Variants in ANO3 observed in about 807,000 individuals in gnomAD.
The protein encoded by ANO3 is anoctamin 3.
ANO3 carries 99 observed loss-of-function variants against 144.8 expected under a neutral mutation model. The ratio of observed to expected loss-of-function variants is 0.68; its 90% CI spans 0.58 to 0.81. The LOEUF (loss-of-function observed/expected upper bound fraction) is 0.81, where lower values mean the gene tolerates loss of function less well. Ranked by LOEUF, ANO3 falls within the 30% of genes least tolerant of loss-of-function variation. The probability of loss-of-function intolerance (pLI) is 0.00; values close to 1 mark genes in which losing one functional copy is unlikely to be tolerated. For synonymous variants in ANO3, 414 were observed against 392.6 expected (o/e 1.05, Z -0.64); for missense variants, 905 against 1,202.2 (o/e 0.75, Z 3.66).
intron 1 of ANO3, among the ~76,000 whole-genome samples, chr11:26,313,036 C>T (rs1464875832): frequency 1.3e-5 from 2 of 152,106 alleles, no homozygotes; most frequent in African/African-American, 4.8e-5. Context: ...ATCAGTTGTT[C>T]CTATTGCTGT....
chr11:26,239,178 T>C (rs1852600356), intron 1 of ANO3, among the ~76,000 whole-genome samples: 1 of 151,950 alleles, frequency 6.6e-6, no homozygotes, highest in Non-Finnish European at 1.5e-5. Context: ...ATTATTAAAA[T>C]ATTTACATAA....
intron 1 of ANO3, among the ~76,000 whole-genome samples, chr11:26,290,956 G>A (rs1017004425): frequency 6.6e-6 from 1 of 152,100 alleles, no homozygotes; most frequent in Non-Finnish European, 1.5e-5. Context: ...TCAAGTCCTG[G>A]AAATCCTTGT....
chr11:26,559,506 G>C, intron 13 of ANO3: 1 of 513,762 alleles, frequency 1.9e-6, no homozygotes. Flanking sequence ...GAGGAGAGAA[G>C]AGGGCTAATG....
chr11:26,560,014 A>G, intron 14 of ANO3: 1 of 374,882 alleles, frequency 2.7e-6, no homozygotes, highest in Non-Finnish European at 4.8e-6. Flanking sequence ...TACATCAAGG[A>G]ACATATTTTT....
At chr11:26,217,339 C>G (rs1419714438) in intron 1 of ANO3, among the ~76,000 whole-genome samples, 1 of 152,032 alleles carries the variant, frequency 6.6e-6, no homozygotes, top group Non-Finnish European at 1.5e-5. Context: ...CCCCATCTAT[C>G]AATCTCTATC....
chr11:26,481,856 T>C (rs982193355), intron 4 of ANO3, among the ~76,000 whole-genome samples: 3 of 152,132 alleles, frequency 2.0e-5, no homozygotes, highest in Non-Finnish European at 2.9e-5. Flanking sequence ...TCATATGTGC[T>C]CAATTCTGTC....
At chr11:26,594,288 A>G (rs2132906298) in intron 14 of ANO3, among the ~76,000 whole-genome samples, 1 of 152,312 alleles carries the variant, frequency 6.6e-6, no homozygotes, top group South Asian at 2.1e-4. Context: ...GTGGGGAATC[A>G]TTCTCTTTCC....
chr11:26,610,043 C>G (rs764544116), intron 17 of ANO3, among the ~76,000 whole-genome samples: 1 of 152,226 alleles, frequency 6.6e-6, no homozygotes, highest in African/African-American at 2.4e-5. Context: ...TCCAGAGTAG[C>G]TGGGATTACA....
chr11:26,191,136 C>T (rs764864623), intron 1 of ANO3, among the ~76,000 whole-genome samples: 13 of 152,114 alleles, frequency 8.5e-5, no homozygotes, highest in South Asian at 4.1e-4. Context: ...ATTAGCCAGG[C>T]GTGGTGGCAC....
At chr11:26,208,221 T>C (rs951218368) in intron 1 of ANO3, 2 of 152,318 alleles carry the variant, frequency 1.3e-5, no homozygotes, top group African/African-American at 4.8e-5. Flanking sequence ...AATATAAGAA[T>C]TGGGAGTGGG....
At chr11:26,500,604 A>T (rs2134123168) in intron 4 of ANO3, among the ~76,000 whole-genome samples, 1 of 152,206 alleles carries the variant, frequency 6.6e-6, no homozygotes, top group South Asian at 2.1e-4. Context: ...TTTTCTTTGG[A>T]GAAATATCTA....
intron 1 of ANO3, among the ~76,000 whole-genome samples, chr11:26,380,607 AGGCCCT>A (rs1856563297): frequency 6.6e-6 from 1 of 152,170 alleles, no homozygotes; most frequent in East Asian, 1.9e-4. Context: ...CACCTTCTAG[AGGCCCT>A]ACATCTTAAT....
rs546742079 is a variant in ANO3 at position 26,223,910 on chromosome 11, G to C, written c.154+34580G>C. ...ATAGCACCAAGGCATTCATATAAGG[G>C]ATTTTCCCCCATGACCAAAACACCT... is the stretch of plus-strand genomic sequence containing the variant. On this transcript the variant is annotated intron_variant, in intron 1 of 27. Transcript: ENST00000672621. 2.0e-5 allele frequency among the ~76,000 whole-genome samples: 3 copies of C among 152,192 alleles called. No homozygotes were observed. In the South Asian group the frequency reaches 6.2e-4, roughly 32 times the overall value.
intron 5 of ANO3, 100 bp from the exon 6 acceptor site, chr11:26,516,727 T>C: frequency 1.4e-6 from 1 of 696,398 alleles, no homozygotes; most frequent in Non-Finnish European, 2.4e-6. Flanking sequence ...TGATCATGCA[T>C]AGTCAAGGGG....
intron 14 of ANO3, chr11:26,560,807 AT>A: frequency 3.0e-6 from 1 of 336,090 alleles, no homozygotes. Context: ...TTCCACAAAT[AT>A]TTTCTACTAA....
intron 17 of ANO3, among the ~76,000 whole-genome samples, chr11:26,612,226 T>C (rs1852120105): frequency 6.6e-6 from 1 of 152,096 alleles, no homozygotes; most frequent in South Asian, 2.1e-4. Context: ...GATGGTTTTC[T>C]GTGGTGCTAT....
At chr11:26,376,359 TCA>T (rs1856406790) in intron 1 of ANO3, among the ~76,000 whole-genome samples, 1 of 152,146 alleles carries the variant, frequency 6.6e-6, no homozygotes, top group Admixed American at 6.5e-5. Context: ...GGGAAAATAC[TCA>T]CATCACAGGT....
chr11:26,347,617 T>C (rs948155221), intron 1 of ANO3, among the ~76,000 whole-genome samples: 9 of 152,208 alleles, frequency 5.9e-5, no homozygotes, highest in African/African-American at 1.9e-4. Context: ...ACTTCTTTCC[T>C]TTACACTCTA....
chr11:26,411,728 A>AT (rs35301801), intron 1 of ANO3, among the ~76,000 whole-genome samples: 5,655 of 149,644 alleles, frequency 0.038, 324 homozygotes, highest in African/African-American at 0.13. Flanking sequence ...GAATCCATCC[A>AT]TTTTTTTTTT....
Sources: gnomAD v4.1 joint callset for allele counts (sites outside exome capture counted in the v4.1 genomes callset) on GRCh38, gnomAD v4.1.1 for gene constraint, MANE v1.5 for transcripts, NCBI Gene and HGNC (gene_info 2026-07-23, HGNC 2026-07-21) for gene names.